MACROD2: variants seen among roughly 807,000 people sequenced by gnomAD.
MACROD2 encodes mono-ADP ribosylhydrolase 2.
MACROD2 carries 36 observed loss-of-function variants against 70.4 expected under a neutral mutation model. That is an observed-to-expected ratio of 0.51 (90% CI 0.39 to 0.68). MACROD2 has a LOEUF of 0.68. MACROD2 is among the 30% of genes least tolerant of loss of function. The pLI, the probability that MACROD2 is intolerant of heterozygous loss-of-function variation, is 0.00. For missense variants in MACROD2, 496 were observed against 538.4 expected, an observed-to-expected ratio of 0.92 and a Z score of 0.78; for synonymous variants, 172 against 178.8, an observed-to-expected ratio of 0.96 and a Z score of 0.30.
intron 5 of MACROD2, among the ~76,000 whole-genome samples, chr20:14,701,829 C>T (rs1458524807): frequency 2.0e-5 from 3 of 152,136 alleles, no homozygotes; most frequent in East Asian, 1.9e-4. Flanking sequence ...AGGCACTGTT[C>T]AGATACTTCT....
At chr20:15,389,280 C>A (rs79793747) in intron 6 of MACROD2, among the ~76,000 whole-genome samples, 1,633 of 152,170 alleles carry the variant, frequency 0.011, 43 homozygotes, top group African/African-American at 0.037. Flanking sequence ...GAGAGAGGGG[C>A]AATGCCCATG....
chr20:14,209,813 C>T (rs2081556285), intron 3 of MACROD2, among the ~76,000 whole-genome samples: 2 of 152,080 alleles, frequency 1.3e-5, no homozygotes, highest in African/African-American at 4.8e-5. Context: ...CTCATAGCCA[C>T]TTAGTCGCAA....
intron 6 of MACROD2, among the ~76,000 whole-genome samples, chr20:15,272,425 A>AT (rs1323002439): frequency 1.3e-5 from 2 of 152,230 alleles, no homozygotes; most frequent in Admixed American, 1.3e-4. Context: ...CTTGGAAGTT[A>AT]TTCAAAAGAT....
intron 5 of MACROD2, among the ~76,000 whole-genome samples, chr20:14,947,189 G>T (rs1393234430): frequency 1.3e-5 from 2 of 152,200 alleles, no homozygotes; most frequent in Non-Finnish European, 2.9e-5. Flanking sequence ...GACAGTCAAA[G>T]TTGTCTTACA....
intron 6 of MACROD2, among the ~76,000 whole-genome samples, chr20:15,411,355 T>G (rs544813563): frequency 2.8e-3 from 422 of 152,342 alleles, no homozygotes; most frequent in African/African-American, 9.8e-3. Context: ...CTGAAATGGC[T>G]TGCTTTAGGA....
At chr20:15,007,049 A>G (rs978354587) in intron 5 of MACROD2, among the ~76,000 whole-genome samples, 4 of 151,578 alleles carry the variant, frequency 2.6e-5, no homozygotes, top group African/African-American at 9.8e-5. Context: ...AGACCCCTGT[A>G]GAGGACTGGG....
At chr20:14,855,636 A>G (rs1412320452) in intron 5 of MACROD2, among the ~76,000 whole-genome samples, 1 of 123,162 alleles carries the variant, frequency 8.1e-6, no homozygotes, top group Admixed American at 1.0e-4. Flanking sequence ...TTAATAAGGC[A>G]CAGCTCAATT....
intron 3 of MACROD2, among the ~76,000 whole-genome samples, chr20:14,487,260 C>T (rs2084746471): frequency 6.6e-6 from 1 of 152,018 alleles, no homozygotes; most frequent in Non-Finnish European, 1.5e-5. Context: ...GACATACATT[C>T]ATGTAAGTTA....
chr20:15,324,909 C>T (rs995421750), intron 6 of MACROD2, among the ~76,000 whole-genome samples: 12 of 152,114 alleles, frequency 7.9e-5, no homozygotes, highest in Non-Finnish European at 1.5e-4. Context: ...CATAACTTGA[C>T]CTTTCTTGCA....
intron 6 of MACROD2, among the ~76,000 whole-genome samples, chr20:15,389,375 A>G (rs2045762069): frequency 6.6e-6 from 1 of 152,204 alleles, no homozygotes; most frequent in South Asian, 2.1e-4. Flanking sequence ...AGAAAGAGGA[A>G]GAAAGGAAGC....
rs11473589 is a variant in MACROD2 at position 15,006,141 on chromosome 20, ATGTGTG to A, written c.419-223763_419-223758del. 5.0e-3 allele frequency among the ~76,000 whole-genome samples: 667 copies of A among 134,364 alleles called. 5 individuals are homozygous for A. Among genetic ancestry groups the A allele is most frequent in the Middle Eastern group, 0.023 (6 of 264 alleles). The allele number at this position is 134,364 out of a possible 152,430, so 88.1% of individuals were successfully genotyped here. ...CAAAGAATGCATTTTATATATATAT[ATGTGTG>A]TGTGTGTGTGTGTGTGTGTGTGTGT... On this transcript the variant is annotated intron_variant, in intron 5 of 17. Coordinates refer to ENST00000684519, the MANE Select transcript of MACROD2 (RefSeq NM_001351661.2).
At chr20:14,796,502 A>G (rs919229590) in intron 5 of MACROD2, among the ~76,000 whole-genome samples, 1 of 152,260 alleles carries the variant, frequency 6.6e-6, no homozygotes, top group Non-Finnish European at 1.5e-5. Context: ...AGGATACTCT[A>G]TAGCAGACAA....
At chr20:15,292,164 C>A (rs1230874324) in intron 6 of MACROD2, among the ~76,000 whole-genome samples, 2 of 152,116 alleles carry the variant, frequency 1.3e-5, no homozygotes, top group Non-Finnish European at 2.9e-5. Flanking sequence ...GTGTGAGCCA[C>A]CATCCCTGGC....
chr20:14,427,377 A>G (rs1331358351), intron 3 of MACROD2, among the ~76,000 whole-genome samples: 2 of 151,714 alleles, frequency 1.3e-5, no homozygotes, highest in African/African-American at 2.4e-5. Context: ...GGAAGCTCTC[A>G]GTTTTTTCTA....
chr20:15,892,993 C>T (rs2064912263), intron 10 of MACROD2: 7 of 398,812 alleles, frequency 1.8e-5, no homozygotes, highest in South Asian at 2.5e-4. Context: ...CCAGAATGTT[C>T]GAAAGACTCT....
At position 15,233,997 on chromosome 20, in the gene MACROD2, A is replaced by G. The variant is rs1601275724; in HGVS notation, c.540+3936A>G. Reference sequence around the variant, plus strand: ...TATATATTTATTTATATATATATATATATATATATATATTCTTTTTTTTTT... The same window carrying G: ...TATATATTTATTTATATATATATATGTATATATATATATTCTTTTTTTTTT... On this transcript the variant is annotated intron_variant, in intron 6 of 17. Transcript: ENST00000684519. 3.4e-5 allele frequency among the ~76,000 whole-genome samples: 2 copies of G among 59,670 alleles called. 1 individual carries two copies. Among genetic ancestry groups the G allele is most frequent in the Non-Finnish European group, 7.2e-5 (2 of 27,766 alleles). 39.1% of individuals were successfully genotyped at this position (59,670 alleles called of 152,430 possible). A position where few individuals can be genotyped will look rare whatever the true frequency, so the allele number is the denominator to read the frequency against.
At chr20:14,975,104 C>T (rs2074726573) in intron 5 of MACROD2, among the ~76,000 whole-genome samples, 1 of 152,072 alleles carries the variant, frequency 6.6e-6, no homozygotes, top group African/African-American at 2.4e-5. Flanking sequence ...GCATGCACCT[C>T]CAACCCCTGA....
chr20:14,709,923 A>G (rs1381756227), intron 5 of MACROD2, among the ~76,000 whole-genome samples: 2 of 152,154 alleles, frequency 1.3e-5, no homozygotes, highest in East Asian at 1.9e-4. Flanking sequence ...ACAGCCTAAA[A>G]TTCATCTTTT....
intron 5 of MACROD2, among the ~76,000 whole-genome samples, chr20:15,052,282 G>T (rs891449102): frequency 2.0e-5 from 3 of 152,076 alleles, no homozygotes; most frequent in African/African-American, 7.2e-5. Context: ...GTGATGGGTG[G>T]CATATACAGG....
Sources: gnomAD v4.1 joint callset for allele counts (sites outside exome capture counted in the v4.1 genomes callset) on GRCh38, gnomAD v4.1.1 for gene constraint, MANE v1.5 for transcripts, NCBI Gene and HGNC (gene_info 2026-07-23, HGNC 2026-07-21) for gene names.